CYTH1: variants seen among roughly 807,000 people sequenced by gnomAD.
CYTH1 encodes the protein cytohesin 1.
CYTH1 carries 18 observed loss-of-function variants against 61.8 expected under a neutral mutation model. The observed-to-expected ratio is 0.29, with a 90% CI of 0.20 to 0.43. CYTH1 has a LOEUF of 0.43. Ranked by LOEUF, CYTH1 falls within the 20% of genes least tolerant of loss-of-function variation. The pLI is 1.00. For missense variants in CYTH1, 336 were observed against 510.5 expected, an observed-to-expected ratio of 0.66 and a Z score of 3.29; for synonymous variants, 174 against 184.3, an observed-to-expected ratio of 0.94 and a Z score of 0.45.
At chr17:78,734,446 T>A (rs1282247417) in intron 1 of CYTH1, among the ~76,000 whole-genome samples, 2 of 144,586 alleles carry the variant, frequency 1.4e-5, no homozygotes, top group African/African-American at 5.1e-5. Context: ...TTTTTTTTTT[T>A]TTTTTTTTTT....
At position 78,698,058 on chromosome 17, in the gene CYTH1, G is replaced by T. The variant is rs1447929953; in HGVS notation, c.811+211C>A. 2.0e-5 allele frequency among the ~76,000 whole-genome samples: 3 copies of T among 152,304 alleles called. No homozygotes were observed. In the East Asian group the frequency reaches 5.8e-4, roughly 29 times the overall value. On this transcript the variant is annotated intron_variant, in intron 9 of 13. Transcript: ENST00000446868. ...CAGAACTCATACCAAAGTCTCTCTG[G>T]AGTCCTCTATAAGCCACCCCCTTTC...
At chr17:78,741,542 G>A (rs1460076207) in intron 1 of CYTH1, among the ~76,000 whole-genome samples, 1 of 152,122 alleles carries the variant, frequency 6.6e-6, no homozygotes, top group Non-Finnish European at 1.5e-5. Flanking sequence ...ACCTATAAAA[G>A]TGAGGGCAGA....
Position 78,757,181 on chromosome 17 carries a change from C to T in CYTH1, c.22+25021G>A, listed in dbSNP as rs144447312. Reference sequence around the variant, plus strand: ...GCCAGGATGGTTTTGATCTCCTGACCTCGTGATCCACCTGCCTTGGCCTCC... The same window carrying T: ...GCCAGGATGGTTTTGATCTCCTGACTTCGTGATCCACCTGCCTTGGCCTCC... On this transcript the variant is annotated intron_variant, in intron 1 of 13. Coordinates refer to ENST00000446868, the MANE Select transcript of CYTH1 (RefSeq NM_004762.6). Among the ~76,000 whole-genome samples, 1,187 of 151,976 alleles carry T rather than the reference C, an allele frequency of 7.8e-3. 9 individuals carry two copies. Among genetic ancestry groups the T allele is most frequent in the Non-Finnish European group, 0.012 (812 of 67,986 alleles).
At chr17:78,760,568 TACAC>T (rs1204947829) in intron 1 of CYTH1, among the ~76,000 whole-genome samples, 4 of 29,400 alleles carry the variant, frequency 1.4e-4, no homozygotes, top group Admixed American at 9.0e-4. Flanking sequence ...TATATATATA[TACAC>T]ATACATATAT....
At position 78,702,579 on chromosome 17, in the gene CYTH1, C is replaced by G. The variant is rs767704954; in HGVS notation, c.196G>C (p.Val66Leu). The change falls in exon 4 of 14, where the codon GTA becomes CTA. Residue 66 changes from valine to leucine, a missense_variant. Physicochemically the swap from Val to Leu is conservative, Grantham distance 32 (BLOSUM62 1). Around this residue, in one of 4 missense-constraint regions of CYTH1, gnomAD observed 112 missense variants for 127.1 expected, o/e 0.88. Transcript: ENST00000446868. ...TTAAATTTTTTCCTGCCCATGGCTA[C>G]CTGTTTGTTCCTCTGCATGTTTTTC... ...ERKNMQRNKQ[V>L]AMGRKKFNMD... 5 of 1,614,148 alleles carry G rather than the reference C, an allele frequency of 3.1e-6. No homozygotes were observed. The highest frequency in any genetic ancestry group is 4.2e-6 in the Non-Finnish European group (5 of 1,180,024).
intron 11 of CYTH1, among the ~76,000 whole-genome samples, chr17:78,683,715 C>CA (rs2092787330): frequency 6.6e-6 from 1 of 152,258 alleles, no homozygotes; most frequent in African/African-American, 2.4e-5. Flanking sequence ...AGCGAGCACT[C>CA]AGACTTCTGC....
At chr17:78,760,313 A>G (rs1420399790) in intron 1 of CYTH1, among the ~76,000 whole-genome samples, 1 of 140,136 alleles carries the variant, frequency 7.1e-6, no homozygotes, top group Non-Finnish European at 1.5e-5. Context: ...CCCTCTTTTG[A>G]CTACTGATGT....
chr17:78,782,273 C>T lies in CYTH1; in HGVS notation c.-50G>A. 1.7e-6 allele frequency: 2 copies of T among 1,176,716 alleles called. No homozygotes were observed. The highest frequency in any genetic ancestry group is 4.7e-5 in the East Asian group (1 of 21,488). The allele number at this position is 1,176,716 out of a possible 1,614,324, so 72.9% of individuals were successfully genotyped here. ...CCGGCTCGCCGCTCGCGTCCCGCCG[C>T]GCCACCCGCGCCCCCGCTCGCCTCA... On this transcript the variant is annotated 5_prime_UTR_variant, in exon 1 of 14. Coordinates refer to ENST00000446868, the MANE Select transcript of CYTH1 (RefSeq NM_004762.6).
chr17:78,761,686 C>T (rs1033360822), intron 1 of CYTH1, among the ~76,000 whole-genome samples: 42 of 152,132 alleles, frequency 2.8e-4, no homozygotes, highest in African/African-American at 9.2e-4. Flanking sequence ...TGCAGTGAGA[C>T]GAGATCACGC....
At chr17:78,689,039 C>T (rs1432087665) in intron 11 of CYTH1, among the ~76,000 whole-genome samples, 5 of 152,166 alleles carry the variant, frequency 3.3e-5, no homozygotes, top group Non-Finnish European at 7.3e-5. Context: ...CTTACCAAAA[C>T]CATGGCTGAG....
At chr17:78,774,753 T>C (rs1417772698) in intron 1 of CYTH1, among the ~76,000 whole-genome samples, 1 of 152,220 alleles carries the variant, frequency 6.6e-6, no homozygotes, top group African/African-American at 2.4e-5. Flanking sequence ...TGGTACAGCA[T>C]GACAGCTCTT....
intron 1 of CYTH1, among the ~76,000 whole-genome samples, chr17:78,719,319 G>A (rs1221633700): frequency 6.6e-6 from 1 of 152,094 alleles, no homozygotes; most frequent in Non-Finnish European, 1.5e-5. Flanking sequence ...ATCACTTGGG[G>A]AACATACAAA....
intron 1 of CYTH1, among the ~76,000 whole-genome samples, chr17:78,714,105 C>A (rs927792771): frequency 2.0e-5 from 3 of 152,044 alleles, no homozygotes; most frequent in Non-Finnish European, 2.9e-5. Flanking sequence ...GTTTGACCAA[C>A]AAGGTGAAAC....
intron 1 of CYTH1, chr17:78,727,607 C>A: frequency 2.2e-6 from 1 of 459,494 alleles, no homozygotes; most frequent in Admixed American, 2.4e-5. Flanking sequence ...AGGGCACCAG[C>A]CTTCCAAGTC....
intron 1 of CYTH1, among the ~76,000 whole-genome samples, chr17:78,743,250 G>A (rs891616996): frequency 1.6e-4 from 24 of 152,086 alleles, no homozygotes; most frequent in African/African-American, 5.6e-4. Flanking sequence ...ATCTCTGGGC[G>A]GTGGGATGGT....
intron 1 of CYTH1, among the ~76,000 whole-genome samples, chr17:78,755,630 T>C (rs1598911922): frequency 6.7e-6 from 1 of 150,034 alleles, no homozygotes; most frequent in South Asian, 2.1e-4. Flanking sequence ...GGGGCCGGGG[T>C]AGAGGGAGGA....
rs546744846 is a variant in CYTH1 at position 78,690,596 on chromosome 17, TGA to T, written c.891+1819_891+1820del. ...CTCTAGTCCCAGCTACTCAGGAGGCTGAGATGGGAGAATCACTTGAACCCAGG... is the reference window on the plus strand; with the variant it reads ...CTCTAGTCCCAGCTACTCAGGAGGCTGATGGGAGAATCACTTGAACCCAGG... On this transcript the variant is annotated intron_variant, in intron 11 of 13. Coordinates refer to ENST00000446868, the MANE Select transcript of CYTH1 (RefSeq NM_004762.6). 6.6e-5 allele frequency among the ~76,000 whole-genome samples: 10 copies of T among 150,702 alleles called. No individual in the cohort carries two copies. The South Asian group carries it at 2.1e-3, about 32-fold the overall frequency.
chr17:78,780,487 G>A (rs1185842044), intron 1 of CYTH1, among the ~76,000 whole-genome samples: 1 of 152,208 alleles, frequency 6.6e-6, no homozygotes, highest in Non-Finnish European at 1.5e-5. Flanking sequence ...CTGCACTCCA[G>A]CCTGCGCAAG....
intron 3 of CYTH1, among the ~76,000 whole-genome samples, chr17:78,705,917 A>T (rs1397412929): frequency 2.0e-5 from 3 of 152,174 alleles, no homozygotes; most frequent in Non-Finnish European, 2.9e-5. Flanking sequence ...AGAATTAATC[A>T]AGAGAAAAAC....
Sources: allele counts gnomAD v4.1 joint callset (sites outside exome capture counted in the v4.1 genomes callset), GRCh38; gene constraint gnomAD v4.1.1; regional missense constraint gnomAD v4.1.1; transcripts MANE v1.5; gene names NCBI Gene and HGNC (gene_info 2026-07-23, HGNC 2026-07-21).